The following PCSK6 variants were observed in gnomAD, a reference collection of about 807,000 sequenced individuals.
PCSK6 encodes proprotein convertase subtilisin/kexin type 6, also known as paired basic amino acid cleaving enzyme 4.
Under a neutral mutation model 123.3 loss-of-function variants are expected in PCSK6, and 85 were observed. The observed-to-expected ratio is 0.69, with a 90% confidence interval of 0.58 to 0.83. The LOEUF (loss-of-function observed/expected upper bound fraction) is 0.83. PCSK6 is among the 40% of genes least tolerant of loss of function. The pLI is 0.00. For missense variants in PCSK6, 1,191 were observed against 1,282.3 expected (o/e 0.93, Z 1.09); for synonymous variants, 508 against 516.0 (o/e 0.98, Z 0.21).
At chr15:101,346,647 C>T (rs1264390364) in intron 13 of PCSK6, 6 of 679,134 alleles carry the variant, frequency 8.8e-6, no homozygotes, top group Non-Finnish European at 1.0e-5. Context: ...CAGGAATGCC[C>T]AAGCGTACCT....
At chr15:101,325,801 C>T (rs1258611950) in intron 16 of PCSK6, among the ~76,000 whole-genome samples, 1 of 152,206 alleles carries the variant, frequency 6.6e-6, no homozygotes, top group African/African-American at 2.4e-5. Flanking sequence ...ACACTCATCA[C>T]AGAAGGGTCA....
chr15:101,310,166 G>A (rs938892786), intron 20 of PCSK6, among the ~76,000 whole-genome samples: 2 of 151,718 alleles, frequency 1.3e-5, no homozygotes, highest in Non-Finnish European at 2.9e-5. Flanking sequence ...CTTCCTTTGG[G>A]AGGCGTCCAC....
intron 20 of PCSK6, chr15:101,313,142 C>G: frequency 1.4e-6 from 2 of 1,462,042 alleles, no homozygotes; most frequent in Non-Finnish European, 1.8e-6. Context: ...ATTCTGCTTC[C>G]CATCTTATCC....
intron 1 of PCSK6, among the ~76,000 whole-genome samples, chr15:101,446,663 G>C (rs1382275027): frequency 6.6e-6 from 1 of 152,224 alleles, no homozygotes; most frequent in Non-Finnish European, 1.5e-5. Context: ...CTCTGAAACA[G>C]AAAAGGCTGC....
intron 15 of PCSK6, among the ~76,000 whole-genome samples, chr15:101,329,376 CAGA>C (rs527439942): frequency 2.0e-5 from 3 of 152,344 alleles, no homozygotes; most frequent in African/African-American, 7.2e-5. Flanking sequence ...AACAGCACAC[CAGA>C]ACCTCACTGG....
At chr15:101,372,885 C>A (rs1241090474) in intron 11 of PCSK6, among the ~76,000 whole-genome samples, 2 of 152,144 alleles carry the variant, frequency 1.3e-5, no homozygotes, top group Non-Finnish European at 2.9e-5. Flanking sequence ...CACACTCCAA[C>A]CAATTGCTCA....
Position 101,489,588 on chromosome 15 carries a change from C to T in PCSK6, c.83G>A (p.Gly28Glu). 1 of 956,144 alleles carries T rather than the reference C, an allele frequency of 1.0e-6. No individual in the cohort carries two copies. The allele number at this position is 956,144 out of a possible 1,614,324, so 59.2% of individuals were successfully genotyped here. Residue 28 changes from glycine (G) to glutamate (E), a missense_variant, in exon 1 of 22, where the codon GGG becomes GAG. Around this residue, in one of 3 missense-constraint regions of PCSK6, gnomAD observed 204 missense variants for 166.4 expected, o/e 1.23. Coordinates refer to ENST00000611716, the MANE Select transcript of PCSK6 (RefSeq NM_002570.5). ...GGCGCCCCCCGCGCCCCCCGCGCCC[C>T]CCGCGCCCGCGGCGGTGTCGGTGGC... Reference protein sequence around the residue: ...AAATDTAAGAGGAGGAGGAGG... With the variant: ...AAATDTAAGAEGAGGAGGAGG...
chr15:101,487,419 G>A (rs1396257068), intron 1 of PCSK6, among the ~76,000 whole-genome samples: 1 of 152,178 alleles, frequency 6.6e-6, no homozygotes, highest in Non-Finnish European at 1.5e-5. Flanking sequence ...TCTCCCATCC[G>A]CAAAACCAGG....
intron 13 of PCSK6, among the ~76,000 whole-genome samples, chr15:101,365,346 AC>A (rs2041356255): frequency 6.6e-6 from 1 of 152,212 alleles, no homozygotes; most frequent in Non-Finnish European, 1.5e-5. Flanking sequence ...CAATTGAAGA[AC>A]CACAGATACC....
At chr15:101,333,994 C>G (rs1208868737) in intron 13 of PCSK6, among the ~76,000 whole-genome samples, 1 of 152,240 alleles carries the variant, frequency 6.6e-6, no homozygotes, top group Non-Finnish European at 1.5e-5. Context: ...ACTGCCCAAG[C>G]CTCCCTTAGC....
intron 6 of PCSK6, among the ~76,000 whole-genome samples, chr15:101,402,863 C>T (rs1207702046): frequency 1.3e-5 from 2 of 152,070 alleles, no homozygotes; most frequent in African/African-American, 2.4e-5. Context: ...GACAGTGTGG[C>T]GATTCCTCAG....
intron 6 of PCSK6, among the ~76,000 whole-genome samples, chr15:101,418,581 C>T (rs1384212362): frequency 2.0e-5 from 3 of 148,732 alleles, no homozygotes; most frequent in Non-Finnish European, 3.0e-5. Context: ...GGTGTCATCT[C>T]GACTCACTGC....
intron 5 of PCSK6, 90 bp downstream of exon 5, chr15:101,429,897 A>G (rs1596324601): frequency 8.7e-7 from 1 of 1,144,386 alleles, no homozygotes; most frequent in Non-Finnish European, 1.3e-6. Context: ...GCCGGCAGCC[A>G]CCGCCTCTCC....
intron 6 of PCSK6, among the ~76,000 whole-genome samples, chr15:101,410,546 T>C (rs1422348009): frequency 6.6e-6 from 1 of 152,220 alleles, no homozygotes; most frequent in Non-Finnish European, 1.5e-5. Context: ...CCCATTATCA[T>C]ACCTTTTTAG....
intron 11 of PCSK6, among the ~76,000 whole-genome samples, chr15:101,374,759 G>C (rs2041684603): frequency 6.6e-6 from 1 of 152,178 alleles, no homozygotes; most frequent in Non-Finnish European, 1.5e-5. Context: ...TTAAGCAATA[G>C]GAAAACAGCA....
intron 6 of PCSK6, among the ~76,000 whole-genome samples, chr15:101,405,265 C>A (rs933531155): frequency 2.0e-5 from 3 of 152,182 alleles, no homozygotes; most frequent in Non-Finnish European, 1.5e-5. Context: ...TTGATTTGGG[C>A]AAATTGTTTT....
chr15:101,317,515 C>T (rs1394948155), intron 19 of PCSK6, among the ~76,000 whole-genome samples: 1 of 112,410 alleles, frequency 8.9e-6, no homozygotes, highest in African/African-American at 7.0e-5. Flanking sequence ...TTCTTTTCCT[C>T]TTTGAAAAAA....
chr15:101,307,436 G>C (rs999645616), intron 20 of PCSK6, 111 bp from the exon 21 acceptor site: 2 of 714,978 alleles, frequency 2.8e-6, no homozygotes, highest in Non-Finnish European at 4.8e-6. Context: ...CCTCAGCCTC[G>C]GTCCTCTGTG....
chr15:101,392,593 C>CTTTTTTTTTGTTTTTTTTT (rs2042265116), intron 8 of PCSK6, among the ~76,000 whole-genome samples: 1 of 122,360 alleles, frequency 8.2e-6, no homozygotes, highest in African/African-American at 3.3e-5. Flanking sequence ...CTCCCTTCCT[C>CTTTTTTTTTGTTTTTTTTT]TTTTTTTTTT....
Sources: allele counts gnomAD v4.1 joint callset (sites outside exome capture counted in the v4.1 genomes callset), GRCh38; gene constraint gnomAD v4.1.1; regional missense constraint gnomAD v4.1.1; transcripts MANE v1.5; gene names NCBI Gene and HGNC (gene_info 2026-07-23, HGNC 2026-07-21).